Variants in MTUS2 observed in about 807,000 individuals in gnomAD.
MTUS2 encodes the protein microtubule associated scaffold protein 2, also known as microtubule-associated tumor suppressor candidate 2.
Under a neutral mutation model 114.1 loss-of-function variants are expected in MTUS2, and 40 were observed. That is an observed-to-expected ratio of 0.35 (90% CI 0.27 to 0.46). The LOEUF is 0.46. Ranked by LOEUF, MTUS2 falls within the 20% of genes least tolerant of loss-of-function variation. The probability of loss-of-function intolerance (pLI) is 1.00; values close to 1 mark genes in which losing one functional copy is unlikely to be tolerated. For synonymous variants in MTUS2, 688 were observed against 672.0 expected (o/e 1.02, Z -0.37); for missense variants, 1,679 against 1,705.4 (o/e 0.98, Z 0.27).
At chr13:29,141,905 G>C (rs1009528394) in intron 5 of MTUS2, among the ~76,000 whole-genome samples, 10 of 150,974 alleles carry the variant, frequency 6.6e-5, no homozygotes, top group Non-Finnish European at 1.5e-4. Flanking sequence ...TGTTGCCCAG[G>C]CTGGAGTGCA....
rs555740296 is a variant in MTUS2, at chr13:28,907,783, G to T, written c.-243+67933G>T. Among the ~76,000 whole-genome samples the T allele has an allele frequency of 2.0e-5, 3 of 151,618 alleles. No individual in the cohort carries two copies. In the South Asian group the frequency reaches 6.3e-4, roughly 32 times the overall value. On this transcript the variant is annotated intron_variant, in intron 2 of 15. Coordinates refer to ENST00000612955, the MANE Select transcript of MTUS2 (RefSeq NM_001033602.4). Reference sequence around the variant, plus strand: ...ACTGAGTGACCTACAAAGAGACTTAGACTCCCACACAATAATAATGGGAGA... The same window carrying T: ...ACTGAGTGACCTACAAAGAGACTTATACTCCCACACAATAATAATGGGAGA...
intron 5 of MTUS2, among the ~76,000 whole-genome samples, chr13:29,142,571 T>G (rs186560852): frequency 6.6e-6 from 1 of 152,292 alleles, no homozygotes; most frequent in African/African-American, 2.4e-5. Context: ...CTGGGCGTGG[T>G]AGCCGGTGTC....
intron 9 of MTUS2, among the ~76,000 whole-genome samples, chr13:29,476,240 T>G (rs1360369461): frequency 1.3e-5 from 2 of 152,190 alleles, no homozygotes; most frequent in African/African-American, 2.4e-5. Context: ...GTTTGCACAA[T>G]GATGAAATTT....
chr13:28,964,773 A>G (rs1448428553), intron 2 of MTUS2, among the ~76,000 whole-genome samples: 2 of 85,870 alleles, frequency 2.3e-5, no homozygotes, highest in Non-Finnish European at 5.3e-5. Flanking sequence ...GTCTTGGGTT[A>G]GAAGAACCCT....
chr13:29,372,545 C>T (rs977999019), intron 8 of MTUS2, among the ~76,000 whole-genome samples: 2 of 152,130 alleles, frequency 1.3e-5, no homozygotes, highest in Non-Finnish European at 2.9e-5. Flanking sequence ...CACCCATCCA[C>T]AGAAGAACAT....
chr13:29,048,861 G>C (rs558195349), intron 4 of MTUS2, among the ~76,000 whole-genome samples: 5 of 152,026 alleles, frequency 3.3e-5, no homozygotes, highest in Admixed American at 2.6e-4. Flanking sequence ...AGCATTCCAC[G>C]TGCCTCAGCC....
At chr13:29,305,348 A>C (rs1358970612) in intron 6 of MTUS2, among the ~76,000 whole-genome samples, 2 of 78,644 alleles carry the variant, frequency 2.5e-5, no homozygotes, top group African/African-American at 7.8e-5. Context: ...CAAATCCAGA[A>C]GCTAGTTTTG....
chr13:29,067,002 A>G (rs781270931), intron 4 of MTUS2, among the ~76,000 whole-genome samples: 25 of 152,120 alleles, frequency 1.6e-4, no homozygotes, highest in Non-Finnish European at 2.9e-4. Context: ...GGTTATTAGG[A>G]TCCCTTAAAG....
chr13:29,302,255 A>C (rs942935781), intron 6 of MTUS2, among the ~76,000 whole-genome samples: 2 of 152,208 alleles, frequency 1.3e-5, no homozygotes, highest in Non-Finnish European at 2.9e-5. Context: ...AGTGGCACAG[A>C]GCCAAAGGAA....
chr13:28,956,544 A>G (rs1182946683), intron 2 of MTUS2, among the ~76,000 whole-genome samples: 1 of 152,174 alleles, frequency 6.6e-6, no homozygotes, highest in Admixed American at 6.5e-5. Context: ...TGGAGATATG[A>G]GAGGTCAGGA....
chr13:28,890,570 G>A (rs1878860551), intron 2 of MTUS2, among the ~76,000 whole-genome samples: 1 of 152,082 alleles, frequency 6.6e-6, no homozygotes, highest in Non-Finnish European at 1.5e-5. Flanking sequence ...GTAGTGCCTA[G>A]CACATAGTAA....
intron 2 of MTUS2, among the ~76,000 whole-genome samples, chr13:28,916,743 T>A (rs575421038): frequency 1.4e-4 from 22 of 151,968 alleles, no homozygotes; most frequent in African/African-American, 5.1e-4. Flanking sequence ...TTCTATCCAA[T>A]TTTCATGCTC....
At position 29,440,010 on chromosome 13, in the gene MTUS2, G is replaced by T; in HGVS notation, c.3145G>T (p.Glu1049Ter). 6.3e-7 allele frequency: 1 copy of T among 1,589,110 alleles called. No homozygotes were observed. Among genetic ancestry groups the T allele is most frequent in the Admixed American group, 1.8e-5 (1 of 56,640 alleles). ...KNESALVKEK[E>*]LSIELANIRD... is the part of the protein sequence containing the mutation. ...TGAAAGTGCCCTTGTGAAAGAAAAA[G>T]AGCTGTCAATCGAACTTGCAAACAT... Residue 1049 changes from glutamate (E) to a stop codon, truncating the protein, a stop_gained, in exon 9 of 16, where the codon GAG becomes TAG. Transcript: ENST00000612955. LOFTEE classifies it high-confidence loss of function.
rs553271583 is a variant in MTUS2, at chr13:28,898,074, GT to G, written c.-243+58227del. 5.9e-5 allele frequency among the ~76,000 whole-genome samples: 9 copies of G among 152,132 alleles called. No individual in the cohort carries two copies. In the South Asian group the frequency reaches 1.9e-3, roughly 32 times the overall value. ...AAAAAAAAGAACAGGTTGAAGTTTT[GT>G]TTGGGGGGCTGGGGAGTGGGCAGTA... On this transcript the variant is annotated intron_variant, in intron 2 of 15. Coordinates refer to ENST00000612955, the MANE Select transcript of MTUS2 (RefSeq NM_001033602.4).
At chr13:29,348,490 T>C (rs568752584) in intron 7 of MTUS2, among the ~76,000 whole-genome samples, 1 of 152,302 alleles carries the variant, frequency 6.6e-6, no homozygotes, top group South Asian at 2.1e-4. Flanking sequence ...GCAAAGTCTG[T>C]CTTGGTAAAC....
chr13:29,328,240 G>T, intron 7 of MTUS2, among the ~76,000 whole-genome samples: 1 of 152,214 alleles, frequency 6.6e-6, no homozygotes, highest in Non-Finnish European at 1.5e-5. Flanking sequence ...GCCAAAATAT[G>T]TTTAAAGAGG....
At chr13:29,200,366 G>A (rs1188462706) in intron 5 of MTUS2, among the ~76,000 whole-genome samples, 1 of 151,920 alleles carries the variant, frequency 6.6e-6, no homozygotes, top group African/African-American at 2.4e-5. Context: ...CTTTAGCTGT[G>A]TCCCAGAGAT....
intron 2 of MTUS2, among the ~76,000 whole-genome samples, chr13:28,884,674 G>T (rs904677385): frequency 6.6e-6 from 1 of 152,158 alleles, no homozygotes; most frequent in Non-Finnish European, 1.5e-5. Flanking sequence ...GAAGTTTGTA[G>T]ATGTACCAAT....
At chr13:28,998,297 G>A (rs1290794579) in intron 2 of MTUS2, among the ~76,000 whole-genome samples, 5 of 152,184 alleles carry the variant, frequency 3.3e-5, no homozygotes, top group African/African-American at 4.8e-5. Context: ...TGGGTAACCC[G>A]TCTTTTCTCT....
Sources: allele counts gnomAD v4.1 joint callset (sites outside exome capture counted in the v4.1 genomes callset), GRCh38; gene constraint gnomAD v4.1.1; transcripts MANE v1.5; gene names NCBI Gene and HGNC (gene_info 2026-07-23, HGNC 2026-07-21).